RUNX1: variants seen among roughly 807,000 people sequenced by gnomAD.
RUNX1 encodes RUNX family transcription factor 1.
In RUNX1, 19 loss-of-function variants were observed where a neutral mutation model predicts 42.8. The observed-to-expected ratio is 0.44, with a 90% confidence interval of 0.31 to 0.65. The LOEUF (loss-of-function observed/expected upper bound fraction) is 0.65, where lower values mean the gene tolerates loss of function less well. Ranked by LOEUF, RUNX1 falls within the 30% of genes least tolerant of loss-of-function variation. The pLI, the probability that RUNX1 is intolerant of heterozygous loss-of-function variation, is 0.07. For synonymous variants in RUNX1, 271 were observed against 289.4 expected, an observed-to-expected ratio of 0.94 and a Z score of 0.64; for missense variants, 528 against 672.0, an observed-to-expected ratio of 0.79 and a Z score of 2.37.
At chr21:34,969,685 A>AT (rs1312825201) in intron 2 of RUNX1, among the ~76,000 whole-genome samples, 1 of 151,892 alleles carries the variant, frequency 6.6e-6, no homozygotes, top group Non-Finnish European at 1.5e-5. Flanking sequence ...GGTGCAATGC[A>AT]TAAAAAAAAA....
intron 3 of RUNX1, chr21:34,888,457 ACATC>A (rs1448035223): frequency 9.4e-7 from 1 of 1,066,944 alleles, no homozygotes; most frequent in Non-Finnish European, 1.1e-6. Context: ...GAAGTTGAAA[ACATC>A]CAGCCAAGAA....
intron 2 of RUNX1, among the ~76,000 whole-genome samples, chr21:35,024,255 G>C (rs984880524): frequency 6.6e-6 from 1 of 152,158 alleles, no homozygotes; most frequent in Non-Finnish European, 1.5e-5. Context: ...TTGGGGGCTG[G>C]AGCACCCATT....
At chr21:34,860,578 CTG>C (rs1403725964) in intron 5 of RUNX1, among the ~76,000 whole-genome samples, 2 of 152,018 alleles carry the variant, frequency 1.3e-5, no homozygotes, top group Non-Finnish European at 2.9e-5. Context: ...TTTCTCTTCT[CTG>C]TTTCTCACGG....
At chr21:34,997,754 T>C (rs1006487790) in intron 2 of RUNX1, among the ~76,000 whole-genome samples, 4 of 152,208 alleles carry the variant, frequency 2.6e-5, no homozygotes, top group African/African-American at 9.7e-5. Flanking sequence ...TCCTCTTGCT[T>C]TGGAGCTTAG....
intron 2 of RUNX1, among the ~76,000 whole-genome samples, chr21:35,044,961 G>A (rs1289319872): frequency 6.6e-6 from 1 of 152,204 alleles, no homozygotes; most frequent in Non-Finnish European, 1.5e-5. Flanking sequence ...CTCGGTGTGT[G>A]AGCAGCTGTG....
intron 6 of RUNX1, among the ~76,000 whole-genome samples, chr21:34,851,406 C>T (rs2057416551): frequency 6.6e-6 from 1 of 152,174 alleles, no homozygotes; most frequent in African/African-American, 2.4e-5. Context: ...TAGAGATTAT[C>T]TCGTCCCATT....
At position 35,030,125 on chromosome 21, in the gene RUNX1, C is replaced by T. The variant is rs936211397; in HGVS notation, c.58+18717G>A. On this transcript the variant is annotated intron_variant, in intron 2 of 8. Transcript: ENST00000675419. ...TTGGGAGGCCAAGGCGGGTGGATCA[C>T]GAGGTTAGGAGATCGAGACTATCCT... is the stretch of plus-strand genomic sequence containing the variant. Among the ~76,000 whole-genome samples, 11 of 152,104 alleles carry T rather than the reference C, an allele frequency of 7.2e-5. 1 individual carries two copies. The highest frequency in any genetic ancestry group is 1.3e-4 in the Non-Finnish European group (9 of 68,018).
intron 2 of RUNX1, among the ~76,000 whole-genome samples, chr21:34,925,314 T>G (rs1451711438): frequency 6.6e-6 from 1 of 152,208 alleles, no homozygotes; most frequent in East Asian, 1.9e-4. Flanking sequence ...TCCTAAAAGA[T>G]ATGTTGAAGT....
chr21:34,886,714 A>T (rs900495224), intron 4 of RUNX1, 129 bp downstream of exon 4: 5 of 1,442,932 alleles, frequency 3.5e-6, no homozygotes, highest in Non-Finnish European at 4.7e-6. Context: ...CAAGCTAGGA[A>T]GACCGACCCG....
intron 2 of RUNX1, among the ~76,000 whole-genome samples, chr21:34,990,995 T>TCA (rs2058933063): frequency 6.6e-6 from 1 of 152,180 alleles, no homozygotes; most frequent in Admixed American, 6.5e-5. Context: ...ATGCCACAGG[T>TCA]CACTCACTTA....
At chr21:34,909,235 C>G (rs1042266918) in intron 2 of RUNX1, among the ~76,000 whole-genome samples, 5 of 152,104 alleles carry the variant, frequency 3.3e-5, no homozygotes, top group Non-Finnish European at 5.9e-5. Context: ...GTACACCCGA[C>G]CCTAAGATTC....
Position 34,791,284 on chromosome 21 carries a change from T to C in RUNX1, c.*851A>G, listed in dbSNP as rs1010467545. The C allele has an allele frequency of 1.2e-4, 29 of 232,640 alleles. No homozygotes were observed. Among genetic ancestry groups the C allele is most frequent in the Admixed American group, 1.2e-3 (22 of 17,780 alleles). 14.4% of individuals were successfully genotyped at this position (232,640 alleles called of 1,614,324 possible). On this transcript the variant is annotated 3_prime_UTR_variant, in exon 9 of 9. Coordinates refer to ENST00000675419, the MANE Select transcript of RUNX1 (RefSeq NM_001754.5). ...CTACTATCAAGAACAAAAGAAAATG[T>C]AGTACTTGATATTTTTCTTAATATA...
chr21:34,969,408 AAC>A (rs2058744222), intron 2 of RUNX1, among the ~76,000 whole-genome samples: 1 of 152,176 alleles, frequency 6.6e-6, no homozygotes, highest in African/African-American at 2.4e-5. Flanking sequence ...AGAAAAAAAA[AAC>A]ACAGAAAATG....
chr21:34,996,726 G>C (rs1349460263), intron 2 of RUNX1, among the ~76,000 whole-genome samples: 1 of 151,882 alleles, frequency 6.6e-6, no homozygotes, highest in Non-Finnish European at 1.5e-5. Flanking sequence ...GTTTCACAGA[G>C]ATCCTCATTA....
At chr21:34,976,857 A>G (rs2058805789) in intron 2 of RUNX1, among the ~76,000 whole-genome samples, 1 of 150,864 alleles carries the variant, frequency 6.6e-6, no homozygotes, top group Admixed American at 6.6e-5. Context: ...ATCGGTAGAA[A>G]AGTTAAAAAA....
At chr21:34,903,510 CT>C (rs1427108497) in intron 2 of RUNX1, among the ~76,000 whole-genome samples, 4 of 152,136 alleles carry the variant, frequency 2.6e-5, no homozygotes, top group Admixed American at 2.0e-4. Context: ...AATATAGAAG[CT>C]TTAGCTAAAT....
At chr21:35,033,245 G>A (rs910393736) in intron 2 of RUNX1, among the ~76,000 whole-genome samples, 8 of 152,166 alleles carry the variant, frequency 5.3e-5, no homozygotes, top group Non-Finnish European at 7.3e-5. Context: ...AGTGACATAT[G>A]AGCCATCTCT....
chr21:34,896,949 C>G (rs972349399), intron 2 of RUNX1, among the ~76,000 whole-genome samples: 1 of 152,024 alleles, frequency 6.6e-6, no homozygotes, highest in African/African-American at 2.4e-5. Flanking sequence ...GGTGAGGTAG[C>G]AGGAGGAGAG....
At chr21:34,886,348 G>GA (rs1042297935) in intron 4 of RUNX1, among the ~76,000 whole-genome samples, 2 of 151,850 alleles carry the variant, frequency 1.3e-5, no homozygotes, top group African/African-American at 4.8e-5. Flanking sequence ...TAGAGAAGGG[G>GA]AAAAAAAATC....
Sources: allele counts gnomAD v4.1 joint callset (sites outside exome capture counted in the v4.1 genomes callset), GRCh38; gene constraint gnomAD v4.1.1; transcripts MANE v1.5; gene names NCBI Gene and HGNC (gene_info 2026-07-23, HGNC 2026-07-21).